Variants in EYS observed in about 807,000 individuals in gnomAD.
EYS encodes the protein protein eyes shut homolog.
A neutral mutation model predicts 282.1 loss-of-function variants in EYS; 250 were observed. The ratio of observed to expected loss-of-function variants is 0.89; its 90% CI spans 0.80 to 0.98. The LOEUF is 0.98. Ranked by LOEUF, EYS falls within the 50% of genes least tolerant of loss-of-function variation. The pLI is 0.00. For synonymous variants in EYS, 1,355 were observed against 1,282.9 expected, an observed-to-expected ratio of 1.06 and a Z score of -1.20; for missense variants, 4,016 against 3,709.0, an observed-to-expected ratio of 1.08 and a Z score of -2.15.
chr6:63,758,911 A>T (rs1769563063), intron 41 of EYS, among the ~76,000 whole-genome samples: 1 of 152,030 alleles, frequency 6.6e-6, no homozygotes, highest in Admixed American at 6.6e-5. Context: ...GCCTGAGGGG[A>T]AGTAGCAACC....
intron 24 of EYS, among the ~76,000 whole-genome samples, chr6:64,606,723 G>A (rs1289467917): frequency 6.6e-6 from 1 of 151,994 alleles, no homozygotes; most frequent in South Asian, 2.1e-4. Flanking sequence ...CTTATAGTCA[G>A]AAAGTCTTTG....
intron 12 of EYS, among the ~76,000 whole-genome samples, chr6:65,225,219 AC>A (rs1766588564): frequency 6.6e-6 from 1 of 150,878 alleles, no homozygotes; most frequent in African/African-American, 2.4e-5. Context: ...ATAATAATCA[AC>A]AAAACTAAGT....
chr6:65,170,582 T>C (rs1216421542), intron 12 of EYS, among the ~76,000 whole-genome samples: 1 of 151,510 alleles, frequency 6.6e-6, no homozygotes, highest in Admixed American at 6.6e-5. Flanking sequence ...ACTAAACTTA[T>C]TGGTACAAGG....
chr6:65,379,159 A>T (rs959516408), intron 8 of EYS, among the ~76,000 whole-genome samples: 3 of 152,144 alleles, frequency 2.0e-5, no homozygotes, highest in Non-Finnish European at 4.4e-5. Context: ...AAGAGACACA[A>T]TGAGAAAATA....
intron 22 of EYS, among the ~76,000 whole-genome samples, chr6:64,723,436 C>G (rs1016021821): frequency 6.6e-6 from 1 of 152,182 alleles, no homozygotes; most frequent in Non-Finnish European, 1.5e-5. Flanking sequence ...CTTTAATAAT[C>G]TTTATTGCAT....
chr6:64,056,053 C>T (rs1466715985), intron 33 of EYS, among the ~76,000 whole-genome samples: 3 of 152,100 alleles, frequency 2.0e-5, no homozygotes, highest in Admixed American at 2.0e-4. Context: ...AAAATATGAA[C>T]ATCTCAAGTC....
At chr6:65,491,469 C>A in intron 4 of EYS, 1 of 337,164 alleles carries the variant, frequency 3.0e-6, no homozygotes. Context: ...TTTAATTAAG[C>A]TCTTAATTTA....
chr6:65,647,832 CAAAA>C (rs996780936), intron 1 of EYS, among the ~76,000 whole-genome samples: 42 of 151,908 alleles, frequency 2.8e-4, no homozygotes, highest in Middle Eastern at 3.4e-3. Context: ...GAGAAACAAA[CAAAA>C]AAACAAACAA....
intron 22 of EYS, among the ~76,000 whole-genome samples, chr6:64,725,527 G>A (rs891809131): frequency 2.0e-5 from 3 of 152,080 alleles, no homozygotes; most frequent in African/African-American, 7.2e-5. Flanking sequence ...TAAAATAAGA[G>A]TCAAAATATT....
chr6:63,827,128 TATATC>T (rs1440382023), intron 36 of EYS, among the ~76,000 whole-genome samples: 5 of 152,216 alleles, frequency 3.3e-5, no homozygotes, highest in African/African-American at 9.7e-5. Context: ...TAGCTATTCT[TATATC>T]AGAGAAATGA....
intron 32 of EYS, among the ~76,000 whole-genome samples, chr6:64,079,829 T>A (rs1274072932): frequency 1.3e-5 from 2 of 152,200 alleles, no homozygotes; most frequent in Non-Finnish European, 2.9e-5. Context: ...TTTGGTTTTT[T>A]GTCCTTGCCA....
At chr6:63,726,716 T>A in intron 41 of EYS, 36 bp from the exon 42 acceptor site, 2 of 1,511,996 alleles carry the variant, frequency 1.3e-6, no homozygotes, top group Non-Finnish European at 1.8e-6. Flanking sequence ...CTGGGAGTTA[T>A]CTGCTGGATT....
chr6:63,785,303 G>A (rs1284150038), intron 39 of EYS, among the ~76,000 whole-genome samples: 5 of 152,176 alleles, frequency 3.3e-5, no homozygotes, highest in Admixed American at 1.3e-4. Context: ...AAAGGACCCA[G>A]CTTATTTTCA....
intron 29 of EYS, among the ~76,000 whole-genome samples, chr6:64,376,037 T>C (rs1772553086): frequency 6.6e-6 from 1 of 152,180 alleles, no homozygotes; most frequent in Admixed American, 6.5e-5. Context: ...TGAGTCCTTC[T>C]AGAGGCAGAT....
chr6:64,686,843 A>G (rs1203747456), intron 22 of EYS, among the ~76,000 whole-genome samples: 2,602 of 40,590 alleles, frequency 0.064, 542 homozygotes, highest in East Asian at 0.2. Context: ...ATATACGTGT[A>G]TATATATATA....
chr6:65,693,400 CTTTCT>C (rs1211403529), intron 1 of EYS, among the ~76,000 whole-genome samples: 1 of 107,232 alleles, frequency 9.3e-6, no homozygotes, highest in Admixed American at 1.2e-4. Context: ...TTCTTTTTTC[CTTTCT>C]TTTTTTTTTT....
chr6:65,500,072 A>G (rs1766394184), intron 2 of EYS, among the ~76,000 whole-genome samples: 1 of 152,066 alleles, frequency 6.6e-6, no homozygotes, highest in Admixed American at 6.6e-5. Flanking sequence ...GACTTGCCCA[A>G]GCTCACACAA....
At chr6:64,256,745 T>C (rs1321528630) in intron 30 of EYS, among the ~76,000 whole-genome samples, 1 of 152,034 alleles carries the variant, frequency 6.6e-6, no homozygotes, top group Non-Finnish European at 1.5e-5. Flanking sequence ...CTACCAGCTA[T>C]GAAGGAGTGA....
intron 35 of EYS, among the ~76,000 whole-genome samples, chr6:63,894,577 G>T (rs1376212734): frequency 1.1e-4 from 17 of 151,476 alleles, no homozygotes; most frequent in Admixed American, 3.3e-4. Flanking sequence ...GTTTTTTTTT[G>T]TTTGTTTGTT....
Sources: allele counts gnomAD v4.1 joint callset (sites outside exome capture counted in the v4.1 genomes callset), GRCh38; gene constraint gnomAD v4.1.1; transcripts MANE v1.5; gene names NCBI Gene and HGNC (gene_info 2026-07-23, HGNC 2026-07-21).